Variants in NLK observed in about 807,000 individuals in gnomAD.
The protein encoded by NLK is nemo like kinase, also known as serine/threonine-protein kinase NLK.
Under a neutral mutation model 59.0 loss-of-function variants are expected in NLK, and 11 were observed. The ratio of observed to expected loss-of-function variants is 0.19; its 90% CI spans 0.12 to 0.31. NLK has a LOEUF of 0.31. NLK is among the 10% of genes least tolerant of loss of function. NLK has a pLI of 1.00. For synonymous variants in NLK, 235 were observed against 235.9 expected, an observed-to-expected ratio of 1.00 and a Z score of 0.03; for missense variants, 410 against 661.1, an observed-to-expected ratio of 0.62 and a Z score of 4.16.
intron 4 of NLK, among the ~76,000 whole-genome samples, chr17:28,161,668 G>A (rs1356871951): frequency 6.6e-6 from 1 of 152,168 alleles, no homozygotes; most frequent in Non-Finnish European, 1.5e-5. Context: ...ACAGTAGGTG[G>A]GCCTGTCTGA....
chr17:28,065,716 T>C (rs1909802612), intron 1 of NLK, among the ~76,000 whole-genome samples: 1 of 152,208 alleles, frequency 6.6e-6, no homozygotes, highest in Non-Finnish European at 1.5e-5. Flanking sequence ...CAGTGATAAA[T>C]AAAAACATTT....
intron 3 of NLK, among the ~76,000 whole-genome samples, chr17:28,135,233 G>T (rs1489299319): frequency 6.6e-6 from 1 of 152,118 alleles, no homozygotes; most frequent in African/African-American, 2.4e-5. Flanking sequence ...TGTGTTGGGG[G>T]TTCCCAAGAC....
At chr17:28,088,598 A>C (rs1448124179) in intron 1 of NLK, among the ~76,000 whole-genome samples, 2 of 152,206 alleles carry the variant, frequency 1.3e-5, no homozygotes, top group Non-Finnish European at 2.9e-5. Context: ...AATATTTCTT[A>C]GTTTCAAATA....
In NLK at chr17:28,109,181, A is replaced by G. The variant is rs943977125; in HGVS notation, c.459-13422A>G. 7.2e-5 allele frequency among the ~76,000 whole-genome samples: 11 copies of G among 152,158 alleles called. 1 individual carries two copies. The highest frequency in any genetic ancestry group is 2.7e-4 in the African/African-American group (11 of 41,422). ...GCGAGACTTCGTCTCACAAAAGAAA[A>G]AAAAAAAAAAGATTTTTAAGATTTC... is the stretch of plus-strand genomic sequence containing the variant. On this transcript the variant is annotated intron_variant, in intron 1 of 10. Coordinates refer to ENST00000407008, the MANE Select transcript of NLK (RefSeq NM_016231.5).
At chr17:28,091,073 TATTTC>T (rs1376910063) in intron 1 of NLK, among the ~76,000 whole-genome samples, 5 of 152,344 alleles carry the variant, frequency 3.3e-5, no homozygotes, top group Admixed American at 3.3e-4. Context: ...GGATCAATTT[TATTTC>T]ATTTTATTTA....
Position 28,067,534 on chromosome 17 carries a change from T to TA in NLK, c.458+24216dup, listed in dbSNP as rs74267060. Among the ~76,000 whole-genome samples, 352 of 132,694 alleles carry TA rather than the reference T, an allele frequency of 2.7e-3. 1 individual carries two copies. The highest frequency in any genetic ancestry group is 0.011 in the East Asian group (50 of 4,752). 87.1% of individuals were successfully genotyped at this position (132,694 alleles called of 152,430 possible). A position where few individuals can be genotyped will look rare whatever the true frequency, so the allele number is the denominator to read the frequency against. Reference sequence around the variant, plus strand: ...TAAATACATGGCACAGAGAATTGTTTAAAAAAAAAAAAAGGCTGACAATTA... The same window carrying TA: ...TAAATACATGGCACAGAGAATTGTTTAAAAAAAAAAAAAAGGCTGACAATTA... On this transcript the variant is annotated intron_variant, in intron 1 of 10. Coordinates refer to ENST00000407008, the MANE Select transcript of NLK (RefSeq NM_016231.5).
chr17:28,110,854 T>G (rs1035708818), intron 1 of NLK, among the ~76,000 whole-genome samples: 5 of 148,390 alleles, frequency 3.4e-5, no homozygotes, highest in East Asian at 1.9e-4. Context: ...TTTGTTTTTG[T>G]TTTTTTTTGA....
chr17:28,129,587 A>AT (rs1906433934), intron 2 of NLK, among the ~76,000 whole-genome samples: 1 of 152,238 alleles, frequency 6.6e-6, no homozygotes, highest in Non-Finnish European at 1.5e-5. Context: ...CTATAAAAAA[A>AT]AATAATAATG....
chr17:28,137,058 G>A (rs1906782652), intron 3 of NLK, among the ~76,000 whole-genome samples: 1 of 151,030 alleles, frequency 6.6e-6, no homozygotes, highest in African/African-American at 2.4e-5. Context: ...AGGACCTCAA[G>A]TTACTATATG....
At chr17:28,199,174 A>G (rs1254741874), downstream of NLK, among the ~76,000 whole-genome samples, 1 of 152,248 alleles carries the variant, frequency 6.6e-6, no homozygotes, top group Non-Finnish European at 1.5e-5. Flanking sequence ...ATTTAAAGCA[A>G]AAGATTAAAA....
chr17:28,121,424 A>C (rs921777132), intron 1 of NLK, among the ~76,000 whole-genome samples: 1 of 150,666 alleles, frequency 6.6e-6, no homozygotes, highest in African/African-American at 2.4e-5. Flanking sequence ...TAATTCATGG[A>C]AAGTCAGTTT....
chr17:28,096,253 A>C (rs181284118), intron 1 of NLK, among the ~76,000 whole-genome samples: 54 of 152,300 alleles, frequency 3.5e-4, no homozygotes, highest in African/African-American at 1.0e-3. Flanking sequence ...GAAGAGGATG[A>C]CAAAATTCAT....
chr17:28,139,980 A>G (rs187742616), intron 3 of NLK, among the ~76,000 whole-genome samples: 44 of 152,356 alleles, frequency 2.9e-4, no homozygotes, highest in African/African-American at 1.1e-3. Context: ...GCAGAAAAAA[A>G]CGATAAGGAA....
At chr17:28,106,917 T>C (rs1254923190) in intron 1 of NLK, among the ~76,000 whole-genome samples, 1 of 152,010 alleles carries the variant, frequency 6.6e-6, no homozygotes, top group African/African-American at 2.4e-5. Context: ...TACTGGTTAA[T>C]CCCAAAAGGA....
chr17:28,197,900 A>T (rs567786499), downstream of NLK, among the ~76,000 whole-genome samples: 3 of 152,340 alleles, frequency 2.0e-5, no homozygotes, highest in African/African-American at 7.2e-5. Flanking sequence ...AAGGGGACTG[A>T]CTTTACTTCA....
At chr17:28,189,260 A>G (rs1372215133) in intron 8 of NLK, among the ~76,000 whole-genome samples, 1 of 152,212 alleles carries the variant, frequency 6.6e-6, no homozygotes, top group African/African-American at 2.4e-5. Context: ...TGCACCAATG[A>G]CAGGTTCCCC....
At chr17:28,115,219 G>A (rs1216055372) in intron 1 of NLK, among the ~76,000 whole-genome samples, 3 of 151,974 alleles carry the variant, frequency 2.0e-5, no homozygotes, top group Non-Finnish European at 4.4e-5. Context: ...CCCATAGGAG[G>A]TGCAAGTCCC....
chr17:28,177,510 C>G (rs1908730960), intron 7 of NLK, among the ~76,000 whole-genome samples: 1 of 152,192 alleles, frequency 6.6e-6, no homozygotes, highest in Non-Finnish European at 1.5e-5. Context: ...TGTTGGAATT[C>G]AGGTTGTGAG....
At chr17:28,076,355 C>T (rs1910159237) in intron 1 of NLK, among the ~76,000 whole-genome samples, 1 of 152,116 alleles carries the variant, frequency 6.6e-6, no homozygotes, top group African/African-American at 2.4e-5. Flanking sequence ...GATACATTCT[C>T]AATGTGTTCT....
Sources: gnomAD v4.1 joint callset for allele counts (sites outside exome capture counted in the v4.1 genomes callset) on GRCh38, gnomAD v4.1.1 for gene constraint, MANE v1.5 for transcripts, NCBI Gene and HGNC (gene_info 2026-07-23, HGNC 2026-07-21) for gene names.